The following POLE2 variants were observed in gnomAD, a reference collection of about 807,000 sequenced individuals.
The protein encoded by POLE2 is DNA polymerase epsilon subunit 2.
POLE2 carries 56 observed loss-of-function variants against 79.4 expected under a neutral mutation model. The ratio of observed to expected loss-of-function variants is 0.71; its 90% CI spans 0.57 to 0.88. POLE2 has a LOEUF of 0.88. Ranked by LOEUF, POLE2 falls within the 40% of genes least tolerant of loss-of-function variation. The pLI is 0.00. For synonymous variants in POLE2, 212 were observed against 214.0 expected, an observed-to-expected ratio of 0.99 and a Z score of 0.08; for missense variants, 598 against 638.9, an observed-to-expected ratio of 0.94 and a Z score of 0.69.
intron 10 of POLE2, among the ~76,000 whole-genome samples, chr14:49,656,304 C>A (rs1205620485): frequency 6.7e-6 from 1 of 149,334 alleles, no homozygotes; most frequent in Non-Finnish European, 1.5e-5. Context: ...TGCAGTGAGC[C>A]GAGATTGCGC....
chr14:49,675,238 C>T (rs1256755438), intron 3 of POLE2, among the ~76,000 whole-genome samples: 1 of 152,036 alleles, frequency 6.6e-6, no homozygotes. Context: ...GCATGCACCA[C>T]CACGCCCAGC....
intron 3 of POLE2, among the ~76,000 whole-genome samples, chr14:49,678,907 T>G (rs965417376): frequency 6.6e-6 from 1 of 152,192 alleles, no homozygotes; most frequent in Non-Finnish European, 1.5e-5. Flanking sequence ...TCCAGCCACC[T>G]TGGCCTCCCA....
chr14:49,646,165 C>T (rs1393587686), intron 18 of POLE2, among the ~76,000 whole-genome samples: 1 of 152,006 alleles, frequency 6.6e-6, no homozygotes, highest in Non-Finnish European at 1.5e-5. Context: ...GAAAATTATT[C>T]ATTTTATATT....
chr14:49,685,788 G>T (rs1566577282), intron 1 of POLE2, among the ~76,000 whole-genome samples: 1 of 146,676 alleles, frequency 6.8e-6, no homozygotes, highest in Non-Finnish European at 1.5e-5. Context: ...CTGGCTGGTT[G>T]GTTTTTTTTT....
chr14:49,687,285 A>T (rs1416158959), intron 1 of POLE2, among the ~76,000 whole-genome samples: 2 of 134,358 alleles, frequency 1.5e-5, no homozygotes, highest in Non-Finnish European at 3.2e-5. Flanking sequence ...ATACATATAT[A>T]TATATACACA....
chr14:49,665,708 GTTTA>G (rs1223227316), intron 7 of POLE2, among the ~76,000 whole-genome samples: 1 of 146,016 alleles, frequency 6.8e-6, no homozygotes, highest in Non-Finnish European at 1.5e-5. Context: ...TATTACAAAA[GTTTA>G]TTTAACAAAA....
intron 4 of POLE2, 41 bp downstream of exon 4, chr14:49,674,309 A>T (rs1886098575): frequency 6.7e-7 from 1 of 1,492,574 alleles, no homozygotes; most frequent in Non-Finnish European, 9.3e-7. Flanking sequence ...AAAAAAAAGT[A>T]CATTTGAAAT....
chr14:49,670,200 C>T (rs1885778697), intron 5 of POLE2, among the ~76,000 whole-genome samples: 3 of 151,474 alleles, frequency 2.0e-5, no homozygotes, highest in South Asian at 4.2e-4. Context: ...CCTGTAATCC[C>T]AGCTACTCAG....
intron 5 of POLE2, among the ~76,000 whole-genome samples, chr14:49,670,042 G>A (rs1566555816): frequency 6.6e-6 from 1 of 152,010 alleles, no homozygotes; most frequent in Admixed American, 6.6e-5. Context: ...AGGGCCAGGC[G>A]CGGTGGCTCA....
intron 2 of POLE2, among the ~76,000 whole-genome samples, chr14:49,681,652 T>C (rs1356522898): frequency 1.3e-5 from 2 of 152,008 alleles, no homozygotes; most frequent in Non-Finnish European, 2.9e-5. Context: ...CACGCACCTG[T>C]AGTCCCAGCT....
At chr14:49,680,255 TG>T (rs937929284) in intron 2 of POLE2, among the ~76,000 whole-genome samples, 1 of 151,432 alleles carries the variant, frequency 6.6e-6, no homozygotes. Context: ...GAGGCCAAGA[TG>T]GGAGGATCAC....
At chr14:49,677,349 C>A in intron 3 of POLE2, 1 of 511,474 alleles carries the variant, frequency 2.0e-6, no homozygotes, top group South Asian at 2.3e-5. Context: ...GACTTAGGAT[C>A]AAATCCTTCA....
chr14:49,677,077 A>T (rs1363145140), intron 3 of POLE2, among the ~76,000 whole-genome samples: 2 of 152,216 alleles, frequency 1.3e-5, no homozygotes, highest in African/African-American at 2.4e-5. Context: ...GGGTTCAGCC[A>T]TGTGGACCTA....
Position 49,674,351 on chromosome 14 carries a change from G to C in POLE2, c.322C>G (p.Pro108Ala), listed in dbSNP as rs527664455. ...AAAATCAGTGGATGACATACTTACG[G>C]AAGAAATTTTTTTCTTTCTGAATTG... is the stretch of plus-strand genomic sequence containing the variant. Reference protein sequence around the residue: ...VYNSERKKFLPLLMTNHPAPN... With the variant: ...VYNSERKKFLALLMTNHPAPN... Residue 108 changes from proline to alanine, a missense_variant and splice_region_variant, in exon 4 of 19, where the codon CCT becomes GCT. Pro to Ala is a conservative substitution (Grantham distance 27). Coordinates refer to ENST00000216367, the MANE Select transcript of POLE2 (RefSeq NM_002692.4). 8.2e-6 allele frequency: 13 copies of C among 1,593,244 alleles called. No homozygotes were observed. In the South Asian group the frequency reaches 1.0e-4, roughly 12 times the overall value.
At chr14:49,672,521 C>T (rs1285766259) in intron 5 of POLE2, among the ~76,000 whole-genome samples, 65 of 147,808 alleles carry the variant, frequency 4.4e-4, no homozygotes, top group Admixed American at 6.1e-4. Flanking sequence ...TTTTTTGAGA[C>T]GGAGTTTCGC....
At chr14:49,677,070 T>C (rs551801891) in intron 3 of POLE2, among the ~76,000 whole-genome samples, 1 of 152,262 alleles carries the variant, frequency 6.6e-6, no homozygotes, top group South Asian at 2.1e-4. Context: ...GGAGAGTGGG[T>C]TCAGCCATGT....
At position 49,651,445 on chromosome 14, in the gene POLE2, C is replaced by T. The variant is rs45583733; in HGVS notation, c.1212-68G>A. On this transcript the variant is annotated intron_variant, in intron 15 of 18. Coordinates refer to ENST00000216367, the MANE Select transcript of POLE2 (RefSeq NM_002692.4). Reference sequence around the variant, plus strand: ...ATGATATTAATTTTAAAGGTAAAATCTCTTACAATACAACCCCATTCCCAC... The same window carrying T: ...ATGATATTAATTTTAAAGGTAAAATTTCTTACAATACAACCCCATTCCCAC... 2.1e-4 allele frequency: 143 copies of T among 674,910 alleles called. 2 individuals carry two copies. The South Asian group carries it at 2.7e-3, about 13-fold the overall frequency. 41.8% of individuals were successfully genotyped at this position (674,910 alleles called of 1,614,324 possible). A position where few individuals can be genotyped will look rare whatever the true frequency, so the allele number is the denominator to read the frequency against.
rs866972352 is a variant in POLE2 at position 49,655,468 on chromosome 14, C to T, written c.928+203G>A. ...CTTATCATGACTATAAACACACACA[C>T]ACACACACACACACACACACACAGG... On this transcript the variant is annotated intron_variant, in intron 11 of 18. Coordinates refer to ENST00000216367, the MANE Select transcript of POLE2 (RefSeq NM_002692.4). Among the ~76,000 whole-genome samples the T allele has an allele frequency of 1.4e-3, 208 of 151,662 alleles. 2 individuals carry two copies. The highest frequency in any genetic ancestry group is 4.6e-3 in the African/African-American group (191 of 41,320).
intron 5 of POLE2, among the ~76,000 whole-genome samples, chr14:49,673,130 G>A (rs1170012038): frequency 6.6e-6 from 1 of 151,234 alleles, no homozygotes; most frequent in African/African-American, 2.4e-5. Flanking sequence ...TATAGTTTCT[G>A]CTGCTTGAGT....
Sources: gnomAD v4.1 joint callset for allele counts (sites outside exome capture counted in the v4.1 genomes callset) on GRCh38, gnomAD v4.1.1 for gene constraint, MANE v1.5 for transcripts, NCBI Gene and HGNC (gene_info 2026-07-23, HGNC 2026-07-21) for gene names.